TMEM132D: variants seen among roughly 807,000 people sequenced by gnomAD.
The protein encoded by TMEM132D is mature OL transmembrane protein.
In TMEM132D, 21 loss-of-function variants were observed where a neutral mutation model predicts 62.3. The observed-to-expected ratio is 0.34, with a 90% CI of 0.24 to 0.49. The LOEUF (loss-of-function observed/expected upper bound fraction) is 0.49. Ranked by LOEUF, TMEM132D falls within the 20% of genes least tolerant of loss-of-function variation. The pLI is 0.99. For missense variants in TMEM132D, 1,346 were observed against 1,402.8 expected, an observed-to-expected ratio of 0.96 and a Z score of 0.65; for synonymous variants, 621 against 575.6, an observed-to-expected ratio of 1.08 and a Z score of -1.13.
chr12:129,722,601 C>T (rs192076561), intron 1 of TMEM132D, among the ~76,000 whole-genome samples: 19 of 152,242 alleles, frequency 1.2e-4, no homozygotes, highest in East Asian at 5.8e-4. Flanking sequence ...ATCCAGGCTC[C>T]GTCGGCCTTT....
chr12:129,204,039 C>T (rs1878778316), intron 5 of TMEM132D, among the ~76,000 whole-genome samples: 1 of 152,308 alleles, frequency 6.6e-6, no homozygotes, highest in Admixed American at 6.5e-5. Context: ...ATCCAAAGGA[C>T]ATCAACTTCA....
intron 5 of TMEM132D, among the ~76,000 whole-genome samples, chr12:129,148,944 G>T (rs1290035142): frequency 6.6e-6 from 1 of 152,056 alleles, no homozygotes; most frequent in African/African-American, 2.4e-5. Flanking sequence ...CTTGTAGGAA[G>T]GGAGGTGTTC....
chr12:129,800,390 C>T (rs201647735), intron 1 of TMEM132D, among the ~76,000 whole-genome samples: 12 of 151,152 alleles, frequency 7.9e-5, no homozygotes, highest in East Asian at 1.9e-4. Flanking sequence ...AAAAAAAGGG[C>T]GGGGGAGCCA....
intron 3 of TMEM132D, among the ~76,000 whole-genome samples, chr12:129,463,648 C>CA (rs1249032279): frequency 6.6e-6 from 1 of 151,692 alleles, no homozygotes; most frequent in Non-Finnish European, 1.5e-5. Flanking sequence ...CAACAGGCCC[C>CA]GATGTGTGAT....
At chr12:129,769,270 G>C (rs1405500346) in intron 1 of TMEM132D, among the ~76,000 whole-genome samples, 5 of 152,136 alleles carry the variant, frequency 3.3e-5, no homozygotes, top group Non-Finnish European at 5.9e-5. Context: ...AGTTCCACAT[G>C]GCTGGGGAGG....
At chr12:129,894,583 G>C (rs1309053293) in intron 1 of TMEM132D, among the ~76,000 whole-genome samples, 1 of 152,178 alleles carries the variant, frequency 6.6e-6, no homozygotes, top group Non-Finnish European at 1.5e-5. Flanking sequence ...GAGTCCTGAT[G>C]GTGTGGAGTC....
At chr12:129,098,694 C>T (rs937499606) in intron 5 of TMEM132D, among the ~76,000 whole-genome samples, 4 of 152,202 alleles carry the variant, frequency 2.6e-5, no homozygotes, top group Admixed American at 1.3e-4. Context: ...TGCCTGCTCA[C>T]GTCCTCGCCA....
chr12:129,104,782 A>T (rs1455578314), intron 5 of TMEM132D, among the ~76,000 whole-genome samples: 1 of 149,514 alleles, frequency 6.7e-6, no homozygotes, highest in Non-Finnish European at 1.5e-5. Flanking sequence ...GCCAAAAAAC[A>T]CATGAAAAAA....
intron 3 of TMEM132D, among the ~76,000 whole-genome samples, chr12:129,441,962 G>A (rs1172700623): frequency 1.3e-5 from 2 of 152,166 alleles, no homozygotes. Flanking sequence ...GATGGCAACA[G>A]TCGGCCTGGA....
intron 4 of TMEM132D, among the ~76,000 whole-genome samples, chr12:129,249,980 G>C (rs1266359883): frequency 6.6e-6 from 1 of 152,178 alleles, no homozygotes; most frequent in Non-Finnish European, 1.5e-5. Context: ...CCAGAGACCA[G>C]AGAGAGCCTT....
chr12:129,622,242 C>T (rs1369742038), intron 2 of TMEM132D, among the ~76,000 whole-genome samples: 1 of 152,144 alleles, frequency 6.6e-6, no homozygotes, highest in Non-Finnish European at 1.5e-5. Context: ...GTCCACTAGC[C>T]CCACAGGCAT....
chr12:129,447,971 A>G (rs1207784412), intron 3 of TMEM132D, among the ~76,000 whole-genome samples: 2 of 152,138 alleles, frequency 1.3e-5, no homozygotes, highest in Admixed American at 6.5e-5. Flanking sequence ...TGTCTTATTT[A>G]TCTATATCTT....
chr12:129,757,186 A>C (rs968094241), intron 1 of TMEM132D, among the ~76,000 whole-genome samples: 1 of 152,302 alleles, frequency 6.6e-6, no homozygotes, highest in African/African-American at 2.4e-5. Flanking sequence ...CATGTCTTAA[A>C]GTTTTCATAT....
chr12:129,189,490 C>A (rs138220833), intron 5 of TMEM132D, among the ~76,000 whole-genome samples: 1 of 152,210 alleles, frequency 6.6e-6, no homozygotes, highest in South Asian at 2.1e-4. Context: ...GGCTACCCTC[C>A]GGGGTCACTG....
At chr12:129,099,577 C>A (rs1875226211) in intron 5 of TMEM132D, among the ~76,000 whole-genome samples, 1 of 152,200 alleles carries the variant, frequency 6.6e-6, no homozygotes, top group Non-Finnish European at 1.5e-5. Context: ...CCCTTCAGCC[C>A]ACCAACAGCA....
chr12:129,443,302 C>T (rs1263321929), intron 3 of TMEM132D, among the ~76,000 whole-genome samples: 1 of 152,202 alleles, frequency 6.6e-6, no homozygotes, highest in Non-Finnish European at 1.5e-5. Flanking sequence ...TGAGCCGCCT[C>T]CCCGACCGTA....
chr12:129,712,924 A>G (rs1358007697), intron 1 of TMEM132D, among the ~76,000 whole-genome samples: 1 of 152,098 alleles, frequency 6.6e-6, no homozygotes, highest in African/African-American at 2.4e-5. Flanking sequence ...GGGGCTGCCA[A>G]CCCAAGTGAC....
chr12:129,178,434 T>C (rs201061187), intron 5 of TMEM132D, among the ~76,000 whole-genome samples: 3 of 31,404 alleles, frequency 9.6e-5, no homozygotes, highest in Non-Finnish European at 2.0e-4. Flanking sequence ...CCAGCATCTG[T>C]TTTTTTTTTT....
intron 4 of TMEM132D, among the ~76,000 whole-genome samples, chr12:129,315,671 G>A (rs1868464540): frequency 6.6e-6 from 1 of 152,246 alleles, no homozygotes; most frequent in Non-Finnish European, 1.5e-5. Flanking sequence ...AATGAATTAG[G>A]GAGGGTTCCC....
Sources: gnomAD v4.1 joint callset for allele counts (sites outside exome capture counted in the v4.1 genomes callset) on GRCh38, gnomAD v4.1.1 for gene constraint, MANE v1.5 for transcripts, NCBI Gene and HGNC (gene_info 2026-07-23, HGNC 2026-07-21) for gene names.